Variants in LACTB2 observed in about 807,000 individuals in gnomAD.
The protein encoded by LACTB2 is lactamase beta 2, also known as endoribonuclease LACTB2.
In LACTB2, 32 loss-of-function variants were observed where a neutral mutation model predicts 34.8. The observed-to-expected ratio is 0.92, with a 90% CI of 0.69 to 1.24. LACTB2 has a LOEUF of 1.24. LACTB2 is among the 50% of genes most tolerant of loss of function. The pLI, the probability that LACTB2 is intolerant of heterozygous loss-of-function variation, is 0.00. For missense variants in LACTB2, 320 were observed against 345.0 expected, an observed-to-expected ratio of 0.93 and a Z score of 0.57; for synonymous variants, 120 against 117.5, an observed-to-expected ratio of 1.02 and a Z score of -0.14.
At chr8:70,644,575 G>A (rs1163403656) in intron 3 of LACTB2, among the ~76,000 whole-genome samples, 1 of 152,136 alleles carries the variant, frequency 6.6e-6, no homozygotes, top group African/African-American at 2.4e-5. Context: ...GGGCCCAAGT[G>A]ACCCTCCCAC....
chr8:70,669,097 G>C lies in LACTB2; in HGVS notation c.24C>G (p.Val8=). MAAVLQR[V]ERLSNRVVRV... Reference sequence around the variant, plus strand: ...GCACGACTCGATTGGACAGCCGCTCGACGCGCTGCAGTACAGCAGCCATTC... The same window carrying C: ...GCACGACTCGATTGGACAGCCGCTCCACGCGCTGCAGTACAGCAGCCATTC... Residue 8 remains valine (V), a synonymous_variant, in exon 1 of 7, where the codon GTC becomes GTG. Coordinates refer to ENST00000276590, the MANE Select transcript of LACTB2 (RefSeq NM_016027.3). 6.2e-7 allele frequency: 1 copy of C among 1,611,240 alleles called. No individual in the cohort carries two copies. Among genetic ancestry groups the C allele is most frequent in the South Asian group, 1.1e-5 (1 of 90,556 alleles).
intron 4 of LACTB2, 100 bp from the exon 5 acceptor site, chr8:70,641,150 A>T: frequency 9.1e-7 from 1 of 1,095,106 alleles, no homozygotes; most frequent in Admixed American, 3.3e-5. Flanking sequence ...CATATGATAT[A>T]TTGAAAAAGC....
intron 6 of LACTB2, among the ~76,000 whole-genome samples, chr8:70,638,141 A>AACAC (rs1435871086): frequency 1.3e-5 from 2 of 152,248 alleles, no homozygotes; most frequent in African/African-American, 4.8e-5. Flanking sequence ...TTGACAAACT[A>AACAC]ACACTAGAAA....
intron 3 of LACTB2, among the ~76,000 whole-genome samples, chr8:70,650,174 G>A (rs1202163804): frequency 6.6e-6 from 1 of 151,970 alleles, no homozygotes; most frequent in African/African-American, 2.4e-5. Flanking sequence ...TTTACAAGAT[G>A]ATCTGATTAT....
At chr8:70,659,547 G>A (rs1401927148) in intron 2 of LACTB2, among the ~76,000 whole-genome samples, 1 of 152,052 alleles carries the variant, frequency 6.6e-6, no homozygotes, top group Non-Finnish European at 1.5e-5. Flanking sequence ...AGAGGCCGAA[G>A]GAAAACAATG....
intron 3 of LACTB2, among the ~76,000 whole-genome samples, chr8:70,655,594 G>A (rs62531751): frequency 0.073 from 11,039 of 152,118 alleles, 471 homozygotes; most frequent in Non-Finnish European, 0.089. Context: ...TTATCCACTC[G>A]TTGATGGATG....
At chr8:70,656,630 G>A (rs776165194) in intron 3 of LACTB2, among the ~76,000 whole-genome samples, 1 of 152,124 alleles carries the variant, frequency 6.6e-6, no homozygotes, top group African/African-American at 2.4e-5. Flanking sequence ...CTCCAGATTT[G>A]TTCTTTTTGC....
chr8:70,651,264 A>G (rs968287206), intron 3 of LACTB2, among the ~76,000 whole-genome samples: 2 of 152,228 alleles, frequency 1.3e-5, no homozygotes, highest in African/African-American at 2.4e-5. Context: ...TTCCAAGTAT[A>G]TATTTCATAT....
intron 2 of LACTB2, chr8:70,660,820 C>T (rs1421212914): frequency 2.2e-6 from 1 of 456,134 alleles, no homozygotes; most frequent in Admixed American, 2.3e-5. Context: ...TTCTGGTGCC[C>T]AGGCTGGAGT....
chr8:70,651,902 A>G (rs1040334477), intron 3 of LACTB2: 1 of 152,154 alleles, frequency 6.6e-6, no homozygotes, highest in Admixed American at 6.5e-5. Context: ...CAGGTAGAAA[A>G]TTTATCTAGT....
At chr8:70,664,688 G>A (rs1346854453) in intron 1 of LACTB2, among the ~76,000 whole-genome samples, 3 of 151,374 alleles carry the variant, frequency 2.0e-5, no homozygotes, top group East Asian at 3.9e-4. Flanking sequence ...AAGCTTTGAG[G>A]GAAAAAAAAA....
intron 2 of LACTB2, 29 bp downstream of exon 2, chr8:70,661,705 A>G (rs1818482323): frequency 6.3e-7 from 1 of 1,587,766 alleles, no homozygotes; most frequent in Admixed American, 1.8e-5. Flanking sequence ...GGCTTTCCTC[A>G]ATGAGCTTAA....
At chr8:70,661,628 G>T in intron 2 of LACTB2, 106 bp downstream of exon 2, 1 of 911,268 alleles carries the variant, frequency 1.1e-6, no homozygotes, top group Non-Finnish European at 1.6e-6. Flanking sequence ...ATTTAAAACT[G>T]AGGTATTTAG....
intron 5 of LACTB2, among the ~76,000 whole-genome samples, chr8:70,639,235 C>G (rs1351096817): frequency 6.6e-6 from 1 of 151,984 alleles, no homozygotes; most frequent in Non-Finnish European, 1.5e-5. Flanking sequence ...TCTCGGCTCA[C>G]TGCAACCTCC....
At chr8:70,656,659 T>C (rs549665621) in intron 3 of LACTB2, among the ~76,000 whole-genome samples, 27 of 152,318 alleles carry the variant, frequency 1.8e-4, no homozygotes, top group Non-Finnish European at 2.1e-4. Flanking sequence ...GCTTTGGCTA[T>C]GTGGGCTCTT....
chr8:70,645,025 T>A (rs1818244479), intron 3 of LACTB2, among the ~76,000 whole-genome samples: 1 of 152,034 alleles, frequency 6.6e-6, no homozygotes, highest in Admixed American at 6.6e-5. Context: ...TGTATTTTCC[T>A]ACATCATTAT....
chr8:70,655,219 TA>T (rs1166264673), intron 3 of LACTB2, among the ~76,000 whole-genome samples: 42 of 86,790 alleles, frequency 4.8e-4, no homozygotes, highest in African/African-American at 1.2e-3. Flanking sequence ...AATTAATTCC[TA>T]TTTTTTTTTT....
chr8:70,651,527 C>CT (rs1259848136), intron 3 of LACTB2, among the ~76,000 whole-genome samples: 3 of 146,182 alleles, frequency 2.1e-5, no homozygotes, highest in East Asian at 1.9e-4. Context: ...CCCAATCTTT[C>CT]TTTTTTTAAT....
chr8:70,638,754 T>G, intron 5 of LACTB2, 125 bp from the exon 6 acceptor site: 2 of 862,722 alleles, frequency 2.3e-6, no homozygotes, highest in Non-Finnish European at 3.2e-6. Flanking sequence ...ATTTTTTTTT[T>G]TTTTTGAGAC....
Sources: gnomAD v4.1 joint callset for allele counts (sites outside exome capture counted in the v4.1 genomes callset) on GRCh38, gnomAD v4.1.1 for gene constraint, MANE v1.5 for transcripts, NCBI Gene and HGNC (gene_info 2026-07-23, HGNC 2026-07-21) for gene names.